The following TBC1D10A variants were observed in gnomAD, a reference collection of about 807,000 sequenced individuals.
TBC1D10A encodes TBC1 domain family member 10A.
TBC1D10A carries 24 observed loss-of-function variants against 52.9 expected under a neutral mutation model. The ratio of observed to expected loss-of-function variants is 0.45; its 90% CI spans 0.33 to 0.64. The LOEUF is 0.64. Among genes scored for constraint, TBC1D10A ranks in the 30% least tolerant of loss-of-function variants. TBC1D10A has a pLI of 0.02. For missense variants in TBC1D10A, 602 were observed against 687.9 expected (o/e 0.88, Z 1.40); for synonymous variants, 278 against 282.9 (o/e 0.98, Z 0.17).
At position 30,292,381 on chromosome 22, in the gene TBC1D10A, G is replaced by A. The variant is rs1195755127; in HGVS notation, c.1521C>T (p.Tyr507=). Residue 507 remains tyrosine (Y), a synonymous_variant, in exon 9 of 9, where the codon TAC becomes TAT. Coordinates refer to ENST00000215790, the MANE Select transcript of TBC1D10A (RefSeq NM_031937.3). ...GAGGCCTTAGCTGCCAGGGTTACAAGTAGGTGTCCTCACTCTCTTGGGACG... is the reference window on the plus strand; with the variant it reads ...GAGGCCTTAGCTGCCAGGGTTACAAATAGGTGTCCTCACTCTCTTGGGACG... ...SLTSQESEDT[Y]L is the part of the protein sequence containing the mutation. 6.5e-7 allele frequency: 1 copy of A among 1,543,804 alleles called. No individual in the cohort carries two copies. The highest frequency in any genetic ancestry group is 1.3e-5 in the South Asian group (1 of 79,818).
intron 1 of TBC1D10A, among the ~76,000 whole-genome samples, chr22:30,317,286 A>T (rs1473964926): frequency 6.6e-6 from 1 of 151,684 alleles, no homozygotes; most frequent in Non-Finnish European, 1.5e-5. Context: ...TGGGCACCTA[A>T]AACCCCAGCT....
chr22:30,314,744 A>G (rs1295870712), intron 1 of TBC1D10A, among the ~76,000 whole-genome samples: 6 of 151,644 alleles, frequency 4.0e-5, no homozygotes, highest in Admixed American at 6.6e-5. Context: ...CCAGGAGTTC[A>G]AGGCTGCAGT....
At chr22:30,294,605 G>C (rs937750751) in intron 6 of TBC1D10A, among the ~76,000 whole-genome samples, 191 bp downstream of exon 6, 3 of 152,238 alleles carry the variant, frequency 2.0e-5, no homozygotes, top group African/African-American at 4.8e-5. Flanking sequence ...AGGCTGAGAT[G>C]AAAGTCAGTG....
chr22:30,293,899 C>T, intron 7 of TBC1D10A, 22 bp downstream of exon 7: 2 of 1,606,062 alleles, frequency 1.2e-6, no homozygotes, highest in Non-Finnish European at 1.7e-6. Flanking sequence ...CAGGGGTGCT[C>T]CCCCCAAGCC....
At chr22:30,308,324 A>ATGCCTGCCTGCCTGCATGCCTGCC (rs141019001) in intron 1 of TBC1D10A, among the ~76,000 whole-genome samples, 34 of 147,864 alleles carry the variant, frequency 2.3e-4, no homozygotes, top group African/African-American at 5.1e-4. Context: ...GCATGCCTGC[A>ATGCCTGCCTGCCTGCATGCCTGCC]TGCCTGCATG....
chr22:30,299,646 A>G (rs1930159597), intron 2 of TBC1D10A, 95 bp from the exon 3 acceptor site: 1 of 1,131,450 alleles, frequency 8.8e-7, no homozygotes. Context: ...CTCAGTGCAC[A>G]CAGCAGCAAG....
intron 1 of TBC1D10A, among the ~76,000 whole-genome samples, chr22:30,316,392 G>C (rs899578303): frequency 1.6e-4 from 24 of 152,050 alleles, no homozygotes; most frequent in African/African-American, 5.6e-4. Context: ...TGTGGCATGT[G>C]CCATGGTGAC....
At chr22:30,311,415 G>C (rs1487732387) in intron 1 of TBC1D10A, among the ~76,000 whole-genome samples, 1 of 152,212 alleles carries the variant, frequency 6.6e-6, no homozygotes, top group African/African-American at 2.4e-5. Flanking sequence ...CCCCTGCCTA[G>C]GAGCCGGCTG....
chr22:30,303,542 CCA>C (rs1317329709), intron 2 of TBC1D10A, among the ~76,000 whole-genome samples: 3 of 152,210 alleles, frequency 2.0e-5, no homozygotes, highest in Admixed American at 1.3e-4. Context: ...CCCAGAAGTT[CCA>C]CAGTTAGCCA....
Position 30,292,649 on chromosome 22 carries a change from A to AG in TBC1D10A, c.1252dup (p.Leu418ProfsTer87), listed in dbSNP as rs768534059. The AG allele has an allele frequency of 1.9e-6, 3 of 1,610,746 alleles. No homozygotes were observed. The highest frequency in any genetic ancestry group is 2.5e-6 in the Non-Finnish European group (3 of 1,178,558). On this transcript the variant is annotated frameshift_variant, in exon 9 of 9. Transcript: ENST00000215790. LOFTEE classifies it low-confidence loss of function (END_TRUNC). ...CTTGGGCTTGGCTTTGGAGCCAGGG[A>AG]GGGGGGCATCTAGGGGCAGGCGGAT... is the stretch of plus-strand genomic sequence containing the variant.
chr22:30,310,361 G>T (rs1220812755), intron 1 of TBC1D10A, among the ~76,000 whole-genome samples: 1 of 152,146 alleles, frequency 6.6e-6, no homozygotes, highest in African/African-American at 2.4e-5. Context: ...CATCTGACTG[G>T]TCCCCATACA....
Position 30,292,662 on chromosome 22 carries a change from G to A in TBC1D10A, c.1240C>T (p.Leu414=), listed in dbSNP as rs764902450. 6.2e-7 allele frequency: 1 copy of A among 1,610,220 alleles called. No individual in the cohort carries two copies. The highest frequency in any genetic ancestry group is 8.5e-7 in the Non-Finnish European group (1 of 1,178,128). ...TTGGAGCCAGGGAGGGGGGCATCTA[G>A]GGGCAGGCGGATGGATGGTGAAGGT... ...LQPSPSIRLP[L]DAPLPGSKAK... Residue 414 remains leucine, a synonymous_variant, in exon 9 of 9, where the codon CTA becomes TTA. Transcript: ENST00000215790.
intron 1 of TBC1D10A, among the ~76,000 whole-genome samples, chr22:30,316,599 C>T (rs1234281688): frequency 3.9e-5 from 6 of 152,116 alleles, no homozygotes; most frequent in South Asian, 2.1e-4. Flanking sequence ...ACAACAGGTG[C>T]GCACCACTAT....
At chr22:30,318,401 T>C (rs1157519182) in intron 1 of TBC1D10A, among the ~76,000 whole-genome samples, 2 of 152,118 alleles carry the variant, frequency 1.3e-5, no homozygotes, top group Non-Finnish European at 2.9e-5. Context: ...ACACCGCTTA[T>C]CCTATTCCTT....
At position 30,292,317 on chromosome 22, in the gene TBC1D10A, A is replaced by G; in HGVS notation, c.*58T>C. 1 of 1,415,406 alleles carries G rather than the reference A, an allele frequency of 7.1e-7. No individual in the cohort carries two copies. 87.7% of individuals were successfully genotyped at this position (1,415,406 alleles called of 1,614,324 possible). A position where few individuals can be genotyped will look rare whatever the true frequency, so the allele number is the denominator to read the frequency against. ...GAGGGTGGGCAGGATGTGGAATGTC[A>G]GTTCATGAACCGTGTAGTTATATGG... On this transcript the variant is annotated 3_prime_UTR_variant, in exon 9 of 9. Transcript: ENST00000215790.
chr22:30,324,271 C>A (rs571760238), intron 1 of TBC1D10A, among the ~76,000 whole-genome samples: 10 of 152,210 alleles, frequency 6.6e-5, no homozygotes, highest in Non-Finnish European at 1.0e-4. Flanking sequence ...GGCGGTCACC[C>A]TGAAGCTTTC....
chr22:30,295,197 G>A (rs1215405214), intron 4 of TBC1D10A, 142 bp from the exon 5 acceptor site: 6 of 776,688 alleles, frequency 7.7e-6, no homozygotes, highest in Non-Finnish European at 1.3e-5. Flanking sequence ...TCACCAAGGG[G>A]TCAGTCTCCT....
At position 30,292,433 on chromosome 22, in the gene TBC1D10A, G is replaced by A. The variant is rs1386067161; in HGVS notation, c.1469C>T (p.Ala490Val). 2 of 1,598,116 alleles carry A rather than the reference G, an allele frequency of 1.3e-6. No homozygotes were observed. Among genetic ancestry groups the A allele is most frequent in the Non-Finnish European group, 1.7e-6 (2 of 1,171,190 alleles). Residue 490 changes from alanine (A) to valine (V), a missense_variant, in exon 9 of 9, where the codon GCC becomes GTC. By Grantham distance (64) the Ala-to-Val change is moderately conservative. Transcript: ENST00000215790. ...CAAGCTCTCCTGGGAGCGGTGGTGG[G>A]CTGAGACCTGGGGAGCCAAATCCTG... ...APQDLAPQVSAHHRSQESLTS... is the reference protein window; with the variant it reads ...APQDLAPQVSVHHRSQESLTS...
Position 30,294,125 on chromosome 22 carries a change from A to G in TBC1D10A, c.706-15T>C. On this transcript the variant is annotated splice_polypyrimidine_tract_variant and intron_variant, in intron 6 of 8. Coordinates refer to ENST00000215790, the MANE Select transcript of TBC1D10A (RefSeq NM_031937.3). ...TGGATCGCCTCCTAGGGAGACATCG[A>G]GGCCACGGGACCATGACCGTGGGCT... 6.2e-7 allele frequency: 1 copy of G among 1,611,282 alleles called. No individual in the cohort carries two copies. The highest frequency in any genetic ancestry group is 8.5e-7 in the Non-Finnish European group (1 of 1,178,412).
Sources: gnomAD v4.1 joint callset for allele counts (sites outside exome capture counted in the v4.1 genomes callset) on GRCh38, gnomAD v4.1.1 for gene constraint, MANE v1.5 for transcripts, NCBI Gene and HGNC (gene_info 2026-07-23, HGNC 2026-07-21) for gene names.